Variants in NECTIN1 observed in about 807,000 individuals in gnomAD.
NECTIN1 encodes nectin-1.
NECTIN1 carries 23 observed loss-of-function variants against 48.0 expected under a neutral mutation model. That is an observed-to-expected ratio of 0.48 (90% confidence interval 0.34 to 0.68). The LOEUF (loss-of-function observed/expected upper bound fraction) is 0.68, where lower values mean the gene tolerates loss of function less well. Ranked by LOEUF, NECTIN1 falls within the 30% of genes least tolerant of loss-of-function variation. The pLI is 0.01. For missense variants in NECTIN1, 591 were observed against 709.9 expected (o/e 0.83, Z 1.90); for synonymous variants, 270 against 288.9 (o/e 0.93, Z 0.66).
At chr11:119,681,824 G>C (rs931712605) in intron 1 of NECTIN1, among the ~76,000 whole-genome samples, 1 of 152,162 alleles carries the variant, frequency 6.6e-6, no homozygotes, top group Non-Finnish European at 1.5e-5. Context: ...TTTTGCCCTG[G>C]TGATGGGCAG....
chr11:119,661,657 C>G lies in NECTIN1; in HGVS notation c.*3090G>C, dbSNP rs1389997044. ...GGCAGAAAAGTTATTGCACCAGTGACTTGGGCAAGTGGGGGTTGGCTGGCA... is the reference window on the plus strand; with the variant it reads ...GGCAGAAAAGTTATTGCACCAGTGAGTTGGGCAAGTGGGGGTTGGCTGGCA... On this transcript the variant is annotated 3_prime_UTR_variant, in exon 6 of 6. Coordinates refer to ENST00000264025, the MANE Select transcript of NECTIN1 (RefSeq NM_002855.5). 2.6e-5 allele frequency: 26 copies of G among 985,746 alleles called. No homozygotes were observed. In the South Asian group the frequency reaches 6.1e-4, roughly 23 times the overall value. 61.1% of individuals were successfully genotyped at this position (985,746 alleles called of 1,614,324 possible).
At chr11:119,690,161 T>C (rs1035683040) in intron 1 of NECTIN1, among the ~76,000 whole-genome samples, 43 of 152,138 alleles carry the variant, frequency 2.8e-4, no homozygotes, top group African/African-American at 1.0e-3. Context: ...GGAGCTGTGA[T>C]GCTGGAGGAG....
chr11:119,676,588 C>T (rs1046369920), intron 4 of NECTIN1, among the ~76,000 whole-genome samples: 1 of 152,200 alleles, frequency 6.6e-6, no homozygotes, highest in African/African-American at 2.4e-5. Context: ...AGGCGAAGAC[C>T]GTGAGGCCAA....
chr11:119,699,202 GC>G (rs1273583087), intron 1 of NECTIN1, among the ~76,000 whole-genome samples: 1 of 152,170 alleles, frequency 6.6e-6, no homozygotes, highest in Admixed American at 6.5e-5. Context: ...ACCAGCACAG[GC>G]CTGTGTTTAT....
At chr11:119,687,659 C>T (rs1456608217) in intron 1 of NECTIN1, among the ~76,000 whole-genome samples, 2 of 152,136 alleles carry the variant, frequency 1.3e-5, no homozygotes, top group Non-Finnish European at 2.9e-5. Flanking sequence ...GGGGGGCTGC[C>T]GAGAAAGCAG....
intron 1 of NECTIN1, among the ~76,000 whole-genome samples, chr11:119,723,477 A>T (rs1422371370): frequency 6.6e-6 from 1 of 151,842 alleles, no homozygotes; most frequent in Non-Finnish European, 1.5e-5. Flanking sequence ...TGAAAGGCAG[A>T]CCTCCCACTA....
intron 1 of NECTIN1, among the ~76,000 whole-genome samples, chr11:119,692,087 C>T (rs1158720259): frequency 1.5e-5 from 2 of 129,792 alleles, no homozygotes; most frequent in South Asian, 2.7e-4. Context: ...GTCAGAGTTT[C>T]GAGAGTGGGG....
At chr11:119,704,042 T>G (rs1157082415) in intron 1 of NECTIN1, among the ~76,000 whole-genome samples, 1 of 152,092 alleles carries the variant, frequency 6.6e-6, no homozygotes, top group Non-Finnish European at 1.5e-5. Flanking sequence ...CTGGCAAATC[T>G]CCCCAGCTTT....
chr11:119,662,595 A>G lies in NECTIN1; in HGVS notation c.*2152T>C. ...AGGAGATGCAGGAGGAGACAGGGAC[A>G]GGAAATGCCTCTATCAGGCAGGCCC... On this transcript the variant is annotated 3_prime_UTR_variant, in exon 6 of 6. Transcript: ENST00000264025. The surrounding 1 kb of genome is among the most constrained non-coding windows in gnomAD (Gnocchi z 5.3). 2.0e-6 allele frequency: 2 copies of G among 985,750 alleles called. No homozygotes were observed. The highest frequency in any genetic ancestry group is 4.7e-5 in the South Asian group (1 of 21,274). The allele number at this position is 985,750 out of a possible 1,614,324, so 61.1% of individuals were successfully genotyped here. A position where few individuals can be genotyped will look rare whatever the true frequency, so the allele number is the denominator to read the frequency against.
chr11:119,653,003 A>G (rs957739769), intron 5 of NECTIN1, among the ~76,000 whole-genome samples: 19 of 152,206 alleles, frequency 1.2e-4, no homozygotes, highest in African/African-American at 4.3e-4. Flanking sequence ...GTTGACTGAA[A>G]GAGCTGCAAA....
At chr11:119,674,590 C>T (rs545319177) in intron 5 of NECTIN1, 2 of 1,614,198 alleles carry the variant, frequency 1.2e-6, no homozygotes, top group East Asian at 2.2e-5. Flanking sequence ...TGAAGTCTCT[C>T]CTCAGAACAT....
chr11:119,667,181 A>G (rs1864786465), intron 5 of NECTIN1, among the ~76,000 whole-genome samples: 1 of 151,980 alleles, frequency 6.6e-6, no homozygotes, highest in Non-Finnish European at 1.5e-5. Flanking sequence ...CCGCCCTCAA[A>G]AGGGCCCCGC....
Position 119,674,044 on chromosome 11 carries a change from C to T in NECTIN1, c.1003+1115G>A, listed in dbSNP as rs1213476342. Among the ~76,000 whole-genome samples the T allele has an allele frequency of 2.6e-5, 4 of 152,220 alleles. No homozygotes were observed. The East Asian group carries it at 7.7e-4, about 29-fold the overall frequency. On this transcript the variant is annotated intron_variant, in intron 5 of 5. Transcript: ENST00000264025. ...CCTGGACAACTTCACGTGGCTCTTTCTGCAGCTGTGTCCTAAATATACCCA... is the reference window on the plus strand; with the variant it reads ...CCTGGACAACTTCACGTGGCTCTTTTTGCAGCTGTGTCCTAAATATACCCA...
chr11:119,702,702 A>G (rs1025162896), intron 1 of NECTIN1, among the ~76,000 whole-genome samples: 5 of 152,190 alleles, frequency 3.3e-5, no homozygotes, highest in Admixed American at 3.3e-4. Context: ...AAAAATGGAG[A>G]GAGAATAATC....
intron 1 of NECTIN1, among the ~76,000 whole-genome samples, chr11:119,700,815 C>T (rs549892664): frequency 5.3e-5 from 8 of 152,082 alleles, no homozygotes; most frequent in Non-Finnish European, 1.2e-4. Flanking sequence ...AGGGCTGGGC[C>T]CCTTTCTGGG....
chr11:119,646,641 G>C (rs1408893299), intron 5 of NECTIN1, among the ~76,000 whole-genome samples: 1 of 152,132 alleles, frequency 6.6e-6, no homozygotes, highest in Non-Finnish European at 1.5e-5. Context: ...AAATGCTCAG[G>C]GTCACACAGC....
Position 119,663,959 on chromosome 11 carries a change from T to C in NECTIN1, c.*788A>G. 1.0e-6 allele frequency: 1 copy of C among 986,062 alleles called. No individual in the cohort carries two copies. Among genetic ancestry groups the C allele is most frequent in the Non-Finnish European group, 1.2e-6 (1 of 830,484 alleles). 61.1% of individuals were successfully genotyped at this position (986,062 alleles called of 1,614,324 possible). On this transcript the variant is annotated 3_prime_UTR_variant, in exon 6 of 6. Transcript: ENST00000264025. ...GAGGAGCAGTGTGTGCATGTGTGTG[T>C]GTGTGCACGTGTCAGCAGAGGCAGA... is the stretch of plus-strand genomic sequence containing the variant.
intron 1 of NECTIN1, among the ~76,000 whole-genome samples, chr11:119,685,040 C>T (rs1303964485): frequency 6.6e-6 from 1 of 152,206 alleles, no homozygotes; most frequent in Non-Finnish European, 1.5e-5. Context: ...TCCTGGTGCT[C>T]CAGCCACCTT....
chr11:119,639,585 T>A, intron 6 of NECTIN1: 1 of 519,074 alleles, frequency 1.9e-6, no homozygotes, highest in Admixed American at 3.2e-5. Flanking sequence ...TCACTATAAA[T>A]CGTGGATGGT....
Sources: allele counts gnomAD v4.1 joint callset (sites outside exome capture counted in the v4.1 genomes callset), GRCh38; gene constraint gnomAD v4.1.1; non-coding constraint Gnocchi (gnomAD v3.1); transcripts MANE v1.5; gene names NCBI Gene and HGNC (gene_info 2026-07-23, HGNC 2026-07-21).